The following PIR variants were observed in gnomAD, a reference collection of about 807,000 sequenced individuals.
PIR encodes the protein pirin (iron-binding nuclear protein).
In PIR, 22 loss-of-function variants were observed where a neutral mutation model predicts 24.2. The observed-to-expected ratio is 0.91, with a 90% CI of 0.65 to 1.30. The LOEUF is 1.30. PIR is among the 50% of genes most tolerant of loss of function. PIR has a pLI of 0.00. For missense variants in PIR, 220 were observed against 220.3 expected (o/e 1.00, Z 0.01); for synonymous variants, 80 against 79.6 (o/e 1.00, Z -0.03).
chrX:15,463,824 G>A lies in PIR; in HGVS notation c.190-4084C>T, dbSNP rs1015047992. ...ATGATGTTAGAACAAATGACCATAT[G>A]AGAAAAGACAGTAATCCCCCACTAC... is the stretch of plus-strand genomic sequence containing the variant. On this transcript the variant is annotated intron_variant, in intron 3 of 9. Transcript: ENST00000380420. 4.4e-5 allele frequency among the ~76,000 whole-genome samples: 5 copies of A among 112,498 alleles called. No homozygotes were observed. The East Asian group carries it at 1.4e-3, about 31-fold the overall frequency.
intron 7 of PIR, among the ~76,000 whole-genome samples, chrX:15,398,669 G>GTGTGTGTGTGTGTGTGTGTGT: frequency 1.3e-5 from 1 of 76,117 alleles, no homozygotes; most frequent in African/African-American, 4.8e-5. Context: ...GAGGAGGGAG[G>GTGTGTGTGTGTGTGTGTGTGT]GTGTGTGTGT....
chrX:15,486,631 A>G (rs940707831), intron 2 of PIR, among the ~76,000 whole-genome samples: 1 of 111,734 alleles, frequency 8.9e-6, no homozygotes. Flanking sequence ...AAAATTCCTT[A>G]TAAGAGGAGG....
intron 5 of PIR, among the ~76,000 whole-genome samples, chrX:15,433,619 A>G (rs770616280): frequency 6.7e-4 from 67 of 99,528 alleles, no homozygotes; most frequent in Non-Finnish European, 9.6e-4. Flanking sequence ...AAGGAGAAAG[A>G]AGGAGGAGAA....
rs188288097 is a variant in PIR at position 15,479,742 on chromosome X, C to T, written c.176G>A (p.Arg59Gln). 6.7e-5 allele frequency: 76 copies of T among 1,140,785 alleles called. No homozygotes were observed. Among genetic ancestry groups the T allele is most frequent in the South Asian group, 5.2e-4 (27 of 51,532 alleles). The allele number at this position is 1,140,785 out of a possible 1,213,427, so 94.0% of individuals were successfully genotyped here. A position where few individuals can be genotyped will look rare whatever the true frequency, so the allele number is the denominator to read the frequency against. Reference sequence around the variant, plus strand: ...TATTGTACTTACTGTTTCAAAACCTCGATGTGGATGATCAGGAAATCCTCC... The same window carrying T: ...TATTGTACTTACTGTTTCAAAACCTTGATGTGGATGATCAGGAAATCCTCC... The part of the protein sequence containing the change: ...RPGGFPDHPH[R>Q]GFETVSYLLE... The change falls in exon 3 of 10, where the codon CGA becomes CAA. Residue 59 changes from arginine (R) to glutamine (Q), a missense_variant. By Grantham distance (43) the Arg-to-Gln change is conservative (BLOSUM62 1). Transcript: ENST00000380420.
chrX:15,407,776 G>T (rs1317992018), intron 6 of PIR: 1 of 388,787 alleles, frequency 2.6e-6, no homozygotes, highest in Non-Finnish European at 4.5e-6. Flanking sequence ...AAATGACTTG[G>T]TCCCAAATAT....
chrX:15,473,251 G>A (rs1487184240), intron 3 of PIR, among the ~76,000 whole-genome samples: 5 of 111,646 alleles, frequency 4.5e-5, no homozygotes, highest in African/African-American at 1.6e-4. Flanking sequence ...TCACAACTGG[G>A]TGTAGGCAGA....
At chrX:15,439,329 C>T (rs1197370113) in intron 5 of PIR, among the ~76,000 whole-genome samples, 1 of 112,342 alleles carries the variant, frequency 8.9e-6, no homozygotes, top group East Asian at 2.8e-4. Flanking sequence ...TGAACTATCT[C>T]ATTACAATTT....
intron 5 of PIR, among the ~76,000 whole-genome samples, chrX:15,445,272 G>A (rs966491252): frequency 3.6e-5 from 4 of 111,313 alleles, no homozygotes; most frequent in African/African-American, 1.3e-4. Context: ...GTTGATCTAG[G>A]GTAGAAAAAT....
At chrX:15,398,685 T>TGTGTGC (rs1184245653) in intron 7 of PIR, among the ~76,000 whole-genome samples, 10 of 90,377 alleles carry the variant, frequency 1.1e-4, no homozygotes, top group African/African-American at 3.9e-4. Flanking sequence ...TGTGTGTGTG[T>TGTGTGC]GTGTGTGTGT....
intron 6 of PIR, among the ~76,000 whole-genome samples, chrX:15,423,615 TA>T (rs151069667): frequency 1.9e-3 from 191 of 102,954 alleles, no homozygotes; most frequent in Non-Finnish European, 2.5e-3. Context: ...GACTCTGTCT[TA>T]AAAAAAAAAA....
chrX:15,407,389 T>C, intron 7 of PIR, 117 bp downstream of exon 7: 1 of 573,567 alleles, frequency 1.7e-6, no homozygotes, highest in Non-Finnish European at 3.1e-6. Flanking sequence ...AGGGCTAGTG[T>C]AGGAGAGAAG....
chrX:15,397,287 T>C (rs1274988034), intron 8 of PIR, among the ~76,000 whole-genome samples, 162 bp downstream of exon 8: 2 of 112,295 alleles, frequency 1.8e-5, no homozygotes, highest in Non-Finnish European at 3.8e-5. Flanking sequence ...AATAAACCCA[T>C]AGAAATAGCA....
intron 3 of PIR, among the ~76,000 whole-genome samples, chrX:15,479,022 ATG>A (rs1922358193): frequency 8.9e-6 from 1 of 112,242 alleles, no homozygotes; most frequent in South Asian, 3.6e-4. Flanking sequence ...CACAGAATAT[ATG>A]TGTGTGGACA....
At chrX:15,459,327 G>C (rs969375927) in intron 4 of PIR, among the ~76,000 whole-genome samples, 1 of 112,049 alleles carries the variant, frequency 8.9e-6, no homozygotes, top group Admixed American at 9.5e-5. Context: ...TTTGGAAGGG[G>C]CTACTGAGAG....
chrX:15,437,589 G>A (rs887372337), intron 5 of PIR, among the ~76,000 whole-genome samples: 1 of 111,526 alleles, frequency 9.0e-6, no homozygotes, highest in African/African-American at 3.3e-5. Flanking sequence ...TCCAATTTTC[G>A]CACACCAAAT....
chrX:15,447,313 G>T (rs867916944), intron 5 of PIR, among the ~76,000 whole-genome samples: 12 of 104,873 alleles, frequency 1.1e-4, no homozygotes, highest in African/African-American at 3.1e-4. Context: ...TGGTTTTTTG[G>T]TTTTTTTTTT....
chrX:15,425,411 C>CTTTTTTTTTTTT (rs756160029), intron 6 of PIR, among the ~76,000 whole-genome samples: 6 of 92,097 alleles, frequency 6.5e-5, no homozygotes, highest in African/African-American at 1.7e-4. Flanking sequence ...TTCTTTCTTT[C>CTTTTTTTTTTTT]TTTTTTTTTT....
At chrX:15,440,922 A>G (rs1378431866) in intron 5 of PIR, among the ~76,000 whole-genome samples, 2 of 111,651 alleles carry the variant, frequency 1.8e-5, no homozygotes, top group African/African-American at 6.5e-5. Flanking sequence ...AAGTACATCA[A>G]TTTTCTACAG....
At chrX:15,404,454 A>T (rs1169370169) in intron 7 of PIR, among the ~76,000 whole-genome samples, 16 of 112,009 alleles carry the variant, frequency 1.4e-4, no homozygotes, top group Non-Finnish European at 1.9e-5. Flanking sequence ...CCTCAACCCA[A>T]GTTGCAGCCC....
Sources: allele counts gnomAD v4.1 joint callset (sites outside exome capture counted in the v4.1 genomes callset), GRCh38; gene constraint gnomAD v4.1.1; transcripts MANE v1.5; gene names NCBI Gene and HGNC (gene_info 2026-07-23, HGNC 2026-07-21).